Variants in SYNE1 observed in about 807,000 individuals in gnomAD.
SYNE1 encodes spectrin repeat containing nuclear envelope protein 1.
In SYNE1, 616 loss-of-function variants were observed where a neutral mutation model predicts 1,111.0. The observed-to-expected ratio is 0.55, with a 90% confidence interval of 0.52 to 0.59. SYNE1 has a LOEUF of 0.59. SYNE1 is among the 20% of genes least tolerant of loss of function. The probability of loss-of-function intolerance (pLI) is 0.00; values close to 1 mark genes in which losing one functional copy is unlikely to be tolerated. For missense variants in SYNE1, 10,006 were observed against 10,417.0 expected (o/e 0.96, Z 1.72); for synonymous variants, 3,855 against 3,825.8 (o/e 1.01, Z -0.28).
At chr6:152,334,966 A>G (rs1257143682) in intron 76 of SYNE1, among the ~76,000 whole-genome samples, 1 of 152,182 alleles carries the variant, frequency 6.6e-6, no homozygotes, top group African/African-American at 2.4e-5. Flanking sequence ...TTATGTACAG[A>G]GTTGGGGAAG....
In SYNE1 at chr6:152,211,458, G is replaced by A. The variant is rs1031461371; in HGVS notation, c.22589+36C>T. 2.0e-5 allele frequency: 31 copies of A among 1,563,574 alleles called. 1 individual carries two copies. The highest frequency in any genetic ancestry group is 1.3e-4 in the East Asian group (6 of 44,482). Reference sequence around the variant, plus strand: ...TAAAAAGAAAATGACTAATTTACTGGAACCTTTCTTTGTAATAATTTATCA... The same window carrying A: ...TAAAAAGAAAATGACTAATTTACTGAAACCTTTCTTTGTAATAATTTATCA... On this transcript the variant is annotated intron_variant, in intron 124 of 145. Coordinates refer to ENST00000367255, the MANE Select transcript of SYNE1 (RefSeq NM_182961.4).
At chr6:152,358,310 C>T (rs1189538820) in intron 66 of SYNE1, 63 bp downstream of exon 66, 112 of 1,610,994 alleles carry the variant, frequency 7.0e-5, no homozygotes, top group South Asian at 6.4e-4. Flanking sequence ...TTCCTATTGC[C>T]TAAAATAATA....
In SYNE1 at chr6:152,317,248, T is replaced by TC. The variant is rs397730560; in HGVS notation, c.16573-263dup. ...TTTTCTTTTTTCTTTTTTTTTTTTT[T>TC]CCAAGGTCTTACTGTCACCCCGGCT... On this transcript the variant is annotated intron_variant, in intron 86 of 145. Transcript: ENST00000367255. Among the ~76,000 whole-genome samples, 13 of 151,316 alleles carry TC rather than the reference T, an allele frequency of 8.6e-5. No homozygotes were observed. In the South Asian group the frequency reaches 1.9e-3, roughly 22 times the overall value.
At chr6:152,208,869 CATT>C (rs1156409685) in intron 124 of SYNE1, among the ~76,000 whole-genome samples, 3 of 152,158 alleles carry the variant, frequency 2.0e-5, no homozygotes, top group African/African-American at 7.2e-5. Context: ...GTATAAATGT[CATT>C]AATATATTTA....
In SYNE1 at chr6:152,331,355, G is replaced by A. The variant is rs1251202658; in HGVS notation, c.13330C>T (p.Arg4444Ter). Residue 4444 changes from arginine to a stop codon, truncating the protein, a stop_gained, in exon 78 of 146, where the codon CGA (arginine) becomes TGA (stop). Transcript: ENST00000367255. LOFTEE classifies it high-confidence loss of function. ...VNCLSDLVGQ[R>*]RKYLNKALSE... ...AAGGCTTTGTTTAAGTACTTTCTTCGCTGGCCCACTAAGTCACTGAGACAA... is the reference window on the plus strand; with the variant it reads ...AAGGCTTTGTTTAAGTACTTTCTTCACTGGCCCACTAAGTCACTGAGACAA... 4.3e-6 allele frequency: 7 copies of A among 1,614,004 alleles called. No homozygotes were observed. The highest frequency in any genetic ancestry group is 1.3e-5 in the African/African-American group (1 of 74,916).
rs983132277 is a variant in SYNE1, at chr6:152,632,934, C to G, written c.-224+3704G>C. 4.0e-4 allele frequency among the ~76,000 whole-genome samples: 61 copies of G among 152,272 alleles called. No individual in the cohort carries two copies. The South Asian group carries it at 4.3e-3, about 11-fold the overall frequency. On this transcript the variant is annotated intron_variant, in intron 2 of 145. Transcript: ENST00000367255. ...GAGACGGCCCTAAAATGCAGAGGTA[C>G]TCCCAAGTGTGCTCTTCTGTTCCAA...
At chr6:152,316,799 A>T in intron 87 of SYNE1, 50 bp downstream of exon 87, 1 of 1,609,656 alleles carries the variant, frequency 6.2e-7, no homozygotes, top group East Asian at 2.2e-5. Context: ...TACCCAGTTA[A>T]ATCAAATTGC....
chr6:152,368,867 C>T, intron 61 of SYNE1, 105 bp downstream of exon 61: 13 of 1,463,136 alleles, frequency 8.9e-6, no homozygotes, highest in South Asian at 1.1e-5. Context: ...TGGAGACCCA[C>T]ACTGTGGGCG....
In SYNE1 at chr6:152,253,817, G is replaced by GTTTTTTTTTTTTTTTTTTTTTTTT. The variant is rs1491115589; in HGVS notation, c.19470+1062_19470+1063insAAAAAAAAAAAAAAAAAAAAAAAA. Reference sequence around the variant, plus strand: ...ATGCTACATTTATGTGTAGTGGTTTGGTTTTTTTTTTTTTTTTTTTTTTTT... The same window carrying GTTTTTTTTTTTTTTTTTTTTTTTT: ...ATGCTACATTTATGTGTAGTGGTTTGTTTTTTTTTTTTTTTTTTTTTTTTGTTTTTTTTTTTTTTTTTTTTTTTT... On this transcript the variant is annotated intron_variant, in intron 104 of 145. Coordinates refer to ENST00000367255, the MANE Select transcript of SYNE1 (RefSeq NM_182961.4). Among the ~76,000 whole-genome samples, 76 of 59,154 alleles carry GTTTTTTTTTTTTTTTTTTTTTTTT rather than the reference G, an allele frequency of 1.3e-3. 30 individuals carry two copies. Among genetic ancestry groups the GTTTTTTTTTTTTTTTTTTTTTTTT allele is most frequent in the Non-Finnish European group, 1.6e-3 (55 of 35,308 alleles). 38.8% of individuals were successfully genotyped at this position (59,154 alleles called of 152,430 possible). A position where few individuals can be genotyped will look rare whatever the true frequency, so the allele number is the denominator to read the frequency against.
At position 152,330,278 on chromosome 6, in the gene SYNE1, T is replaced by C. The variant is rs776468403; in HGVS notation, c.14407A>G (p.Lys4803Glu). The change falls in exon 78 of 146, where the codon AAA (lysine) becomes GAA (glutamate). Residue 4803 changes from lysine to glutamate, a missense_variant. Transcript: ENST00000367255. ...GCAGGCAGCGTTTCCTCATTCACTT[T>C]GGACTGCTCCTCTTTTACAGACTTC... ...QLKSVKEEQS[K>E]VNEETLPAEE... The C allele has an allele frequency of 1.2e-5, 19 of 1,614,212 alleles. No homozygotes were observed. The highest frequency in any genetic ancestry group is 1.6e-5 in the Non-Finnish European group (19 of 1,180,036).
intron 5 of SYNE1, among the ~76,000 whole-genome samples, chr6:152,521,870 C>A (rs1052880993): frequency 1.3e-5 from 2 of 151,938 alleles, no homozygotes; most frequent in East Asian, 3.9e-4. Flanking sequence ...TTAAATATAG[C>A]AATCTTTTAT....
chr6:152,269,765 CCTAAAAATTTTT>C (rs2093047424), intron 98 of SYNE1, among the ~76,000 whole-genome samples: 1 of 152,034 alleles, frequency 6.6e-6, no homozygotes, highest in Non-Finnish European at 1.5e-5. Flanking sequence ...GAATAATCTT[CCTAAAAATTTTT>C]CTAAAAGATT....
intron 3 of SYNE1, among the ~76,000 whole-genome samples, chr6:152,598,670 G>C (rs1358433877): frequency 6.6e-6 from 1 of 152,184 alleles, no homozygotes; most frequent in Non-Finnish European, 1.5e-5. Flanking sequence ...TGCAAGAAGG[G>C]ACAATGTGGC....
intron 97 of SYNE1, among the ~76,000 whole-genome samples, chr6:152,279,430 G>C (rs1279516504): frequency 6.6e-6 from 1 of 151,568 alleles, no homozygotes; most frequent in East Asian, 1.9e-4. Context: ...AGAATATAAA[G>C]TCAGGCTGGG....
chr6:152,177,932 G>C (rs1490255771), intron 129 of SYNE1, among the ~76,000 whole-genome samples: 1 of 149,792 alleles, frequency 6.7e-6, no homozygotes. Flanking sequence ...CATCTTATTA[G>C]CACTTCCCAG....
chr6:152,215,643 C>T (rs1398934359), intron 121 of SYNE1, among the ~76,000 whole-genome samples: 2 of 152,204 alleles, frequency 1.3e-5, no homozygotes, highest in African/African-American at 4.8e-5. Context: ...AAAGTTATAA[C>T]AGTGATAGCT....
intron 100 of SYNE1, among the ~76,000 whole-genome samples, chr6:152,265,324 T>C (rs1474108672): frequency 2.6e-5 from 4 of 151,944 alleles, no homozygotes; most frequent in East Asian, 1.9e-4. Context: ...TAAAATACTA[T>C]TAAACAGTTA....
In SYNE1 at chr6:152,331,447, G is replaced by T; in HGVS notation, c.13238C>A (p.Ala4413Glu). ...SLIKDADRVM[A>E]DLGLNERQVI... ...CTGTCGCTCATTGAGACCAAGATCTGCCATGACCCTGTCTGCGTCCTTTAT... is the reference window on the plus strand; with the variant it reads ...CTGTCGCTCATTGAGACCAAGATCTTCCATGACCCTGTCTGCGTCCTTTAT... The change falls in exon 78 of 146, where the codon GCA (alanine) becomes GAA (glutamate). Residue 4413 changes from alanine (A) to glutamate (E), a missense_variant. By Grantham distance (107) the Ala-to-Glu change is moderately radical. Around this residue, in one of 7 missense-constraint regions of SYNE1, gnomAD observed 4,955 missense variants for 5,017.2 expected, o/e 0.99. Coordinates refer to ENST00000367255, the MANE Select transcript of SYNE1 (RefSeq NM_182961.4). 1 of 1,614,176 alleles carries T rather than the reference G, an allele frequency of 6.2e-7. No homozygotes were observed. The highest frequency in any genetic ancestry group is 8.5e-7 in the Non-Finnish European group (1 of 1,180,038).
intron 130 of SYNE1, among the ~76,000 whole-genome samples, chr6:152,175,452 G>T (rs1218509534): frequency 6.6e-6 from 1 of 152,180 alleles, no homozygotes; most frequent in Non-Finnish European, 1.5e-5. Context: ...AAGAAACCCA[G>T]ATTTTAAAAG....
Sources: gnomAD v4.1 joint callset for allele counts (sites outside exome capture counted in the v4.1 genomes callset) on GRCh38, gnomAD v4.1.1 for gene constraint, gnomAD v4.1.1 regional missense constraint, MANE v1.5 for transcripts, NCBI Gene and HGNC (gene_info 2026-07-23, HGNC 2026-07-21) for gene names.